Variants in ZNF782 observed in about 807,000 individuals in gnomAD.
ZNF782 encodes zinc finger protein 782.
A neutral mutation model predicts 13.0 loss-of-function variants in ZNF782; 12 were observed. That is an observed-to-expected ratio of 0.92 (90% confidence interval 0.59 to 1.50). The LOEUF is 1.50. Ranked by LOEUF, ZNF782 falls within the 40% of genes most tolerant of loss-of-function variation. The probability of loss-of-function intolerance (pLI) is 0.00; values close to 1 mark genes in which losing one functional copy is unlikely to be tolerated. For missense variants in ZNF782, 770 were observed against 822.9 expected (o/e 0.94, Z 0.79); for synonymous variants, 284 against 283.0 (o/e 1.00, Z -0.04).
upstream of ZNF782, among the ~76,000 whole-genome samples, chr9:96,880,016 T>A (rs1313211169): frequency 6.6e-6 from 1 of 152,192 alleles, no homozygotes; most frequent in African/African-American, 2.4e-5. Context: ...CCCAGTACTA[T>A]GTTGAATAGT....
chr9:96,837,830 TTC>T (rs1851049073), intron 4 of ZNF782, among the ~76,000 whole-genome samples: 1 of 152,228 alleles, frequency 6.6e-6, no homozygotes, highest in South Asian at 2.1e-4. Context: ...CTAGTCTTCC[TTC>T]TGTTATTCAT....
At chr9:96,922,901 C>A in the ZNF782 span, among the ~76,000 whole-genome samples, 2 of 144,908 alleles carry the variant, frequency 1.4e-5, no homozygotes, top group Non-Finnish European at 3.1e-5. Flanking sequence ...GGAACCGGTC[C>A]ACCATATTCT....
the ZNF782 span, among the ~76,000 whole-genome samples, chr9:96,916,076 A>C: frequency 6.6e-6 from 1 of 151,964 alleles, no homozygotes; most frequent in Non-Finnish European, 1.5e-5. Flanking sequence ...ATGCCAGGTA[A>C]GTGAGTGACC....
chr9:96,844,822 GGAGA>G, intron 4 of ZNF782, 64 bp downstream of exon 4: 1 of 1,608,554 alleles, frequency 6.2e-7, no homozygotes, highest in Non-Finnish European at 8.5e-7. Context: ...GGTACGGTAT[GGAGA>G]GAGAGAAAGA....
In ZNF782 at chr9:96,854,258, A is replaced by C. The variant is rs1851594835; in HGVS notation, c.-432T>G. 1 of 152,328 alleles carries C rather than the reference A, an allele frequency of 6.6e-6. No individual in the cohort carries two copies. Among genetic ancestry groups the C allele is most frequent in the African/African-American group, 2.4e-5 (1 of 41,434 alleles). The allele number at this position is 152,328 out of a possible 1,614,324, so 9.4% of individuals were successfully genotyped here. On this transcript the variant is annotated 5_prime_UTR_variant, in exon 1 of 6. Coordinates refer to ENST00000481138, the MANE Select transcript of ZNF782 (RefSeq NM_001001662.3). ...CGCACCCGGCACCTGCTCCGGACCAACGCTCAGCCTCAGCCGCCCCGGGAG... is the reference window on the plus strand; with the variant it reads ...CGCACCCGGCACCTGCTCCGGACCACCGCTCAGCCTCAGCCGCCCCGGGAG...
intron 1 of ZNF782, chr9:96,875,362 G>A: frequency 2.4e-6 from 1 of 415,080 alleles, no homozygotes; most frequent in South Asian, 1.7e-5. Flanking sequence ...ACAGCCAAGT[G>A]TATGATTTAC....
At chr9:96,863,848 G>GGGGACTT (rs554957536) in intron 1 of ZNF782, among the ~76,000 whole-genome samples, 92 of 152,166 alleles carry the variant, frequency 6.0e-4, no homozygotes, top group African/African-American at 2.2e-3. Flanking sequence ...AGTGGACTTT[G>GGGGACTT]GGGACTTGGG....
intron 3 of ZNF782, 120 bp downstream of exon 3, chr9:96,851,827 T>A: frequency 9.7e-7 from 1 of 1,030,714 alleles, no homozygotes; most frequent in Non-Finnish European, 1.5e-6. Context: ...ATGGTGAAAC[T>A]GTATATATTT....
chr9:96,898,079 C>CT, the ZNF782 span: 1 of 149,186 alleles, frequency 6.7e-6, no homozygotes, highest in African/African-American at 2.5e-5. Context: ...CTTTCCTTTT[C>CT]TTTAACTGCA....
the ZNF782 span, among the ~76,000 whole-genome samples, chr9:96,917,709 C>T: frequency 5.9e-5 from 9 of 151,706 alleles, no homozygotes; most frequent in Non-Finnish European, 8.8e-5. Context: ...GGATCACAAG[C>T]ATGAGCCACC....
intron 4 of ZNF782, among the ~76,000 whole-genome samples, chr9:96,828,956 AAG>A (rs1850713470): frequency 2.0e-5 from 3 of 152,234 alleles, no homozygotes; most frequent in African/African-American, 7.2e-5. Context: ...CAGAAGAACA[AAG>A]AGAATTAAAG....
the ZNF782 span, among the ~76,000 whole-genome samples, chr9:96,884,123 G>A: frequency 5.3e-5 from 8 of 152,222 alleles, no homozygotes; most frequent in Non-Finnish European, 1.2e-4. Flanking sequence ...TATTGGCAGG[G>A]CCGAGCACAG....
the ZNF782 span, among the ~76,000 whole-genome samples, chr9:96,899,029 T>A: frequency 6.7e-6 from 1 of 148,962 alleles, no homozygotes; most frequent in Non-Finnish European, 1.5e-5. Flanking sequence ...GTCCCCCAAA[T>A]CCCTGATAAC....
intron 4 of ZNF782, among the ~76,000 whole-genome samples, chr9:96,839,395 G>T (rs1851119491): frequency 6.7e-6 from 1 of 149,496 alleles, no homozygotes; most frequent in African/African-American, 2.5e-5. Context: ...TAGCTTGTCT[G>T]TGTCCTTCTC....
At chr9:96,874,368 T>TGA (rs201981986) in intron 1 of ZNF782, among the ~76,000 whole-genome samples, 3 of 149,216 alleles carry the variant, frequency 2.0e-5, no homozygotes, top group African/African-American at 7.7e-5. Flanking sequence ...GTGACTAGTG[T>TGA]CACGTGGTTA....
At chr9:96,838,024 C>T (rs1851056397) in intron 4 of ZNF782, among the ~76,000 whole-genome samples, 2 of 152,094 alleles carry the variant, frequency 1.3e-5, no homozygotes, top group African/African-American at 4.8e-5. Flanking sequence ...CTGTGCCCTG[C>T]CTTTTTCTTT....
At chr9:96,927,468 A>T in the ZNF782 span, among the ~76,000 whole-genome samples, 2 of 152,066 alleles carry the variant, frequency 1.3e-5, no homozygotes, top group African/African-American at 4.8e-5. Flanking sequence ...CTTTCATCAA[A>T]TCAGCCTGCT....
chr9:96,834,851 A>T lies in ZNF782; in HGVS notation c.143-7670T>A, dbSNP rs540478249. ...CTGGGTAATGGGTAGTGGCTGGAAA[A>T]ATTTGGAGGGGCAGGCCAGTATTGC... is the stretch of plus-strand genomic sequence containing the variant. On this transcript the variant is annotated intron_variant, in intron 4 of 5. Coordinates refer to ENST00000481138, the MANE Select transcript of ZNF782 (RefSeq NM_001001662.3). Among the ~76,000 whole-genome samples, 10 of 150,520 alleles carry T rather than the reference A, an allele frequency of 6.6e-5. No homozygotes were observed. The South Asian group carries it at 2.1e-3, about 31-fold the overall frequency.
At chr9:96,932,487 A>T in the ZNF782 span, 1 of 1,132,614 alleles carries the variant, frequency 8.8e-7, no homozygotes, top group Non-Finnish European at 1.3e-6. Context: ...GATGGACAGG[A>T]GGTCACACTG....
Sources: gnomAD v4.1 joint callset for allele counts (sites outside exome capture counted in the v4.1 genomes callset) on GRCh38, gnomAD v4.1.1 for gene constraint, MANE v1.5 for transcripts, NCBI Gene and HGNC (gene_info 2026-07-23, HGNC 2026-07-21) for gene names.